Variants in DLG2 observed in about 807,000 individuals in gnomAD.
DLG2 encodes the protein disks large homolog 2.
In DLG2, 45 loss-of-function variants were observed where a neutral mutation model predicts 132.5. The ratio of observed to expected loss-of-function variants is 0.34; its 90% confidence interval spans 0.27 to 0.44. The LOEUF is 0.44. Among genes scored for constraint, DLG2 ranks in the 20% least tolerant of loss-of-function variants. The pLI, the probability that DLG2 is intolerant of heterozygous loss-of-function variation, is 1.00. For synonymous variants in DLG2, 424 were observed against 419.6 expected (o/e 1.01, Z -0.13); for missense variants, 1,045 against 1,196.9 (o/e 0.87, Z 1.87).
chr11:84,811,246 C>A (rs1036399986), intron 6 of DLG2, among the ~76,000 whole-genome samples: 4 of 152,092 alleles, frequency 2.6e-5, no homozygotes, highest in African/African-American at 9.7e-5. Flanking sequence ...CAACCACCAG[C>A]TGGTATATAA....
At chr11:84,875,110 T>C (rs2086137889) in intron 6 of DLG2, among the ~76,000 whole-genome samples, 1 of 152,020 alleles carries the variant, frequency 6.6e-6, no homozygotes, top group Admixed American at 6.6e-5. Flanking sequence ...TCATGGTATC[T>C]GACATGACCA....
chr11:83,568,607 T>C (rs2096747738), intron 19 of DLG2, among the ~76,000 whole-genome samples: 1 of 151,986 alleles, frequency 6.6e-6, no homozygotes, highest in Non-Finnish European at 1.5e-5. Context: ...GGAAGAGTCA[T>C]CCAAAGAACT....
At chr11:84,934,537 T>G (rs2048506019) in intron 6 of DLG2, among the ~76,000 whole-genome samples, 1 of 138,798 alleles carries the variant, frequency 7.2e-6, no homozygotes, top group African/African-American at 2.7e-5. Context: ...TTTTTTTTTT[T>G]TTTTTTTTTG....
chr11:85,323,398 T>C (rs1262943104), intron 3 of DLG2, among the ~76,000 whole-genome samples: 2 of 152,252 alleles, frequency 1.3e-5, no homozygotes, highest in African/African-American at 2.4e-5. Flanking sequence ...TTTTACATGT[T>C]TATGGGGCAC....
rs542494151 is a variant in DLG2, at chr11:85,583,971, T to C, written c.40+14686A>G. Among the ~76,000 whole-genome samples the C allele has an allele frequency of 2.0e-5, 3 of 152,330 alleles. No individual in the cohort carries two copies. In the South Asian group the frequency reaches 6.2e-4, roughly 32 times the overall value. On this transcript the variant is annotated intron_variant, in intron 3 of 27. Coordinates refer to ENST00000376104, the MANE Select transcript of DLG2 (RefSeq NM_001142699.3). ...TCAACCCCTGGTTAATTGGGAAAAGTAACCATCTAATCCAGTTTATTTTTT... is the reference window on the plus strand; with the variant it reads ...TCAACCCCTGGTTAATTGGGAAAAGCAACCATCTAATCCAGTTTATTTTTT...
At chr11:83,477,102 G>GATAATTATC (rs2092682361) in intron 22 of DLG2, among the ~76,000 whole-genome samples, 2 of 152,050 alleles carry the variant, frequency 1.3e-5, no homozygotes, top group Non-Finnish European at 2.9e-5. Context: ...GGGTTGGAAG[G>GATAATTATC]ATAATTATCA....
chr11:85,551,500 CA>C (rs1413653987), intron 3 of DLG2, among the ~76,000 whole-genome samples: 4 of 151,930 alleles, frequency 2.6e-5, no homozygotes, highest in African/African-American at 7.2e-5. Context: ...TACATACTAA[CA>C]AAATTAGATC....
At chr11:83,537,807 C>CAAAAAAAAAAAAAAAAAAAAAAA (rs1164386994) in intron 20 of DLG2, among the ~76,000 whole-genome samples, 1 of 18,292 alleles carries the variant, frequency 5.5e-5, no homozygotes, top group Non-Finnish European at 1.0e-4. Context: ...GACTCTGTCT[C>CAAAAAAAAAAAAAAAAAAAAAAA]AAAAAAAAAA....
chr11:84,345,590 G>T (rs1303271902), intron 7 of DLG2, among the ~76,000 whole-genome samples: 1 of 152,126 alleles, frequency 6.6e-6, no homozygotes, highest in African/African-American at 2.4e-5. Flanking sequence ...CCTACAGTGA[G>T]AATCAAATAT....
intron 23 of DLG2, among the ~76,000 whole-genome samples, chr11:83,472,296 T>TA (rs1172009206): frequency 1.3e-5 from 2 of 152,260 alleles, no homozygotes; most frequent in Non-Finnish European, 2.9e-5. Flanking sequence ...CAGTAGCAAT[T>TA]AGCCTCTGTA....
At chr11:85,021,455 C>G in intron 6 of DLG2, 7 of 1,416,720 alleles carry the variant, frequency 4.9e-6, no homozygotes, top group Non-Finnish European at 7.0e-6. Context: ...TCTCCTGCTA[C>G]AGCAGCCCGG....
At chr11:85,030,598 G>A (rs1000757688) in intron 6 of DLG2, among the ~76,000 whole-genome samples, 4 of 151,980 alleles carry the variant, frequency 2.6e-5, no homozygotes, top group African/African-American at 4.8e-5. Context: ...CTTTATCATA[G>A]GAAGAAAGTT....
chr11:84,094,548 C>A (rs966611097), intron 10 of DLG2, among the ~76,000 whole-genome samples: 1 of 152,146 alleles, frequency 6.6e-6, no homozygotes, highest in Non-Finnish European at 1.5e-5. Context: ...ACTAAATGGC[C>A]TATAAACCAA....
At chr11:84,317,976 T>C (rs1379302958) in intron 7 of DLG2, among the ~76,000 whole-genome samples, 1 of 152,212 alleles carries the variant, frequency 6.6e-6, no homozygotes, top group Non-Finnish European at 1.5e-5. Context: ...TTAAAACTGA[T>C]GGGTTGGGCT....
intron 6 of DLG2, among the ~76,000 whole-genome samples, chr11:84,843,227 T>C (rs1040853602): frequency 6.6e-6 from 1 of 151,768 alleles, no homozygotes; most frequent in Non-Finnish European, 1.5e-5. Context: ...ATTCAAACCC[T>C]TAAATTGTAT....
At chr11:84,909,995 G>A (rs2091910633) in intron 6 of DLG2, among the ~76,000 whole-genome samples, 1 of 152,190 alleles carries the variant, frequency 6.6e-6, no homozygotes, top group East Asian at 1.9e-4. Context: ...AATGAGGGAA[G>A]AGGTGAGAAT....
At chr11:84,751,606 C>T (rs56024472) in intron 6 of DLG2, among the ~76,000 whole-genome samples, 6,565 of 152,078 alleles carry the variant, frequency 0.043, 294 homozygotes, top group East Asian at 0.22. Context: ...TAGCAAAAAT[C>T]GGCTGTGGTT....
Position 85,387,046 on chromosome 11 carries a change from C to T in DLG2, c.41-101681G>A, listed in dbSNP as rs183310162. On this transcript the variant is annotated intron_variant, in intron 3 of 27. Coordinates refer to ENST00000376104, the MANE Select transcript of DLG2 (RefSeq NM_001142699.3). ...TGGATTACAGGCACACACCACCACACTCAGATAATTTTTGTATTTTTAGTA... is the reference window on the plus strand; with the variant it reads ...TGGATTACAGGCACACACCACCACATTCAGATAATTTTTGTATTTTTAGTA... Among the ~76,000 whole-genome samples, 317 of 151,990 alleles carry T rather than the reference C, an allele frequency of 2.1e-3. 1 individual carries two copies. The highest frequency in any genetic ancestry group is 7.0e-3 in the African/African-American group (289 of 41,452).
Position 83,488,417 on chromosome 11 carries a change from C to G in DLG2, c.2194-4189G>C, listed in dbSNP as rs1049913336. Among the ~76,000 whole-genome samples the G allele has an allele frequency of 2.6e-5, 4 of 152,032 alleles. No homozygotes were observed. In the South Asian group the frequency reaches 8.3e-4, roughly 32 times the overall value. ...CCAGCCTGACTCTGAGATGTAATGG[C>G]ATTGGTGAACTGGCTTAAGATAAAA... On this transcript the variant is annotated intron_variant, in intron 21 of 27. Transcript: ENST00000376104.
Sources: allele counts gnomAD v4.1 joint callset (sites outside exome capture counted in the v4.1 genomes callset), GRCh38; gene constraint gnomAD v4.1.1; transcripts MANE v1.5; gene names NCBI Gene and HGNC (gene_info 2026-07-23, HGNC 2026-07-21).